Variants in ZNF398 observed in about 807,000 individuals in gnomAD.
ZNF398 encodes zinc finger protein 398.
Under a neutral mutation model 41.9 loss-of-function variants are expected in ZNF398, and 18 were observed. The observed-to-expected ratio is 0.43, with a 90% confidence interval of 0.30 to 0.64. ZNF398 has a LOEUF of 0.64. Ranked by LOEUF, ZNF398 falls within the 30% of genes least tolerant of loss-of-function variation. The pLI is 0.14. For missense variants in ZNF398, 669 were observed against 822.8 expected (o/e 0.81, Z 2.29); for synonymous variants, 260 against 308.8 (o/e 0.84, Z 1.66).
At chr7:149,174,070 A>T (rs1795411840) in intron 4 of ZNF398, among the ~76,000 whole-genome samples, 1 of 151,898 alleles carries the variant, frequency 6.6e-6, no homozygotes, top group African/African-American at 2.4e-5. Flanking sequence ...CTAGGATTAC[A>T]GGCGTGACCC....
chr7:149,148,227 C>T (rs1470738816), intron 1 of ZNF398: 1 of 163,640 alleles, frequency 6.1e-6, no homozygotes, highest in Non-Finnish European at 1.3e-5. Context: ...GCCTGGGCTC[C>T]CGGCACCGGA....
chr7:149,143,114 G>A (rs1400079596), upstream of ZNF398, among the ~76,000 whole-genome samples: 2 of 149,466 alleles, frequency 1.3e-5, no homozygotes, highest in African/African-American at 2.5e-5. Flanking sequence ...CTGGCCAGGC[G>A]CGGTGGCCAG....
At chr7:149,148,433 G>A (rs933650655) in intron 1 of ZNF398, 3 of 985,426 alleles carry the variant, frequency 3.0e-6, no homozygotes, top group Non-Finnish European at 3.6e-6. Flanking sequence ...AATGAGAAGG[G>A]GACGGTCAGG....
chr7:149,166,404 T>G, intron 3 of ZNF398, 120 bp downstream of exon 3: 1 of 1,290,344 alleles, frequency 7.7e-7, no homozygotes. Context: ...AAATTCTGGT[T>G]TCAAGCCAAA....
At chr7:149,178,101 C>G (rs1004929237) in intron 5 of ZNF398, among the ~76,000 whole-genome samples, 3 of 152,112 alleles carry the variant, frequency 2.0e-5, no homozygotes, top group Non-Finnish European at 4.4e-5. Context: ...ACCATCCTGG[C>G]TAACACAGTG....
chr7:149,157,141 G>A (rs1048576960), intron 2 of ZNF398, among the ~76,000 whole-genome samples: 5 of 152,032 alleles, frequency 3.3e-5, no homozygotes, highest in Non-Finnish European at 5.9e-5. Flanking sequence ...GGGAAAGTGT[G>A]GCCTTGGGGG....
intron 5 of ZNF398, among the ~76,000 whole-genome samples, chr7:149,177,753 T>C: frequency 6.6e-6 from 1 of 152,198 alleles, no homozygotes; most frequent in East Asian, 1.9e-4. Context: ...ATAGAGAAAG[T>C]TCTTGAGTAG....
upstream of ZNF398, among the ~76,000 whole-genome samples, chr7:149,142,640 C>T (rs544205608): frequency 6.6e-6 from 1 of 152,176 alleles, no homozygotes; most frequent in African/African-American, 2.4e-5. Flanking sequence ...GCACTCCAGC[C>T]TGGGCAACAG....
intron 3 of ZNF398, among the ~76,000 whole-genome samples, 199 bp from the exon 4 acceptor site, chr7:149,166,618 C>A (rs1002662581): frequency 2.0e-5 from 3 of 152,172 alleles, no homozygotes; most frequent in Non-Finnish European, 2.9e-5. Flanking sequence ...GTGCTTTCCC[C>A]ACACATTACA....
At position 149,179,686 on chromosome 7, in the gene ZNF398, C is replaced by G; in HGVS notation, c.1814C>G (p.Pro605Arg). The G allele has an allele frequency of 1.2e-6, 2 of 1,614,216 alleles. No individual in the cohort carries two copies. The highest frequency in any genetic ancestry group is 1.7e-6 in the Non-Finnish European group (2 of 1,180,036). The part of the protein sequence containing the change: ...GGDSDPSGQP[P>R]NPPGPLITGL... ...GATAGTGACCCATCAGGTCAGCCAC[C>G]CAACCCACCAGGTCCCCTCATAACT... Residue 605 changes from proline (P) to arginine (R), a missense_variant, in exon 6 of 6, where the codon CCC (proline) becomes CGC (arginine). Pro to Arg is a moderately radical substitution (Grantham distance 103). Transcript: ENST00000475153. This position sits in a 1 kb window ranked among gnomAD's most constrained non-coding sequence, Gnocchi z 6.1.
At chr7:149,141,456 CTT>C (rs60019784) in intron 2 of ZNF398, among the ~76,000 whole-genome samples, 5 of 128,244 alleles carry the variant, frequency 3.9e-5, no homozygotes, top group African/African-American at 1.2e-4. Context: ...TCTTTTTTTT[CTT>C]TTTTTTTTTT....
At chr7:149,175,715 G>T (rs1438954712) in intron 4 of ZNF398, among the ~76,000 whole-genome samples, 2 of 151,846 alleles carry the variant, frequency 1.3e-5, no homozygotes, top group Non-Finnish European at 2.9e-5. Context: ...GAGTTTTTTT[G>T]CTCTTGTTGC....
intron 4 of ZNF398, among the ~76,000 whole-genome samples, chr7:149,167,589 C>T (rs1006986737): frequency 6.6e-6 from 1 of 151,894 alleles, no homozygotes; most frequent in African/African-American, 2.4e-5. Context: ...ACTTCTCTTA[C>T]AACCCACCCG....
At chr7:149,152,549 G>A (rs1039121550) in intron 1 of ZNF398, among the ~76,000 whole-genome samples, 15 of 149,912 alleles carry the variant, frequency 1.0e-4, no homozygotes, top group African/African-American at 3.2e-4. Flanking sequence ...GTGAGCCACC[G>A]CGCCTGGCCT....
intron 2 of ZNF398, among the ~76,000 whole-genome samples, chr7:149,136,364 C>A (rs1172581579): frequency 1.3e-5 from 2 of 151,910 alleles, no homozygotes; most frequent in Admixed American, 1.3e-4. Flanking sequence ...AGCTGCCAGG[C>A]AGAGGTGCGC....
chr7:149,154,824 A>C (rs1489041877), intron 2 of ZNF398, among the ~76,000 whole-genome samples: 1 of 151,910 alleles, frequency 6.6e-6, no homozygotes, highest in African/African-American at 2.4e-5. Context: ...CCCTGTCTCT[A>C]CTAAAAATAC....
upstream of ZNF398, among the ~76,000 whole-genome samples, chr7:149,145,776 G>C (rs1585510262): frequency 6.6e-6 from 1 of 151,988 alleles, no homozygotes; most frequent in Admixed American, 6.6e-5. Context: ...GCTTCTTCCT[G>C]TCTCCTCCTT....
In ZNF398 at chr7:149,179,037, T is replaced by A. The variant is rs61732817; in HGVS notation, c.1165T>A (p.Ser389Thr). ...TCCACAGGCGGACCTCAGCAGCACCTCCCAGGACCATGCCAGCGAGACACC... is the reference window on the plus strand; with the variant it reads ...TCCACAGGCGGACCTCAGCAGCACCACCCAGGACCATGCCAGCGAGACACC... ...FTPQADLSST[S>T]QDHASETPPT... Residue 389 changes from serine (S) to threonine (T), a missense_variant, in exon 6 of 6, where the codon TCC (serine) becomes ACC (threonine). By Grantham distance (58) the Ser-to-Thr change is moderately conservative. Around this residue, in one of 3 missense-constraint regions of ZNF398, gnomAD observed 290 missense variants for 292.9 expected, o/e 0.99. Coordinates refer to ENST00000475153, the MANE Select transcript of ZNF398 (RefSeq NM_170686.3). The surrounding 1 kb of genome is among the most constrained non-coding windows in gnomAD (Gnocchi z 6.1). The A allele has an allele frequency of 7.2e-3, 11,633 of 1,613,468 alleles. 52 individuals are homozygous for A. Among genetic ancestry groups the A allele is most frequent in the African/African-American group, 0.017 (1,265 of 74,762 alleles).
chr7:149,165,621 T>C (rs1276720086), intron 2 of ZNF398, among the ~76,000 whole-genome samples: 1 of 152,204 alleles, frequency 6.6e-6, no homozygotes, highest in Admixed American at 6.6e-5. Context: ...TAATTTTGGT[T>C]CCTAACATGC....
Sources: gnomAD v4.1 joint callset for allele counts (sites outside exome capture counted in the v4.1 genomes callset) on GRCh38, gnomAD v4.1.1 for gene constraint, gnomAD v4.1.1 regional missense constraint, Gnocchi (gnomAD v3.1) non-coding constraint, MANE v1.5 for transcripts, NCBI Gene and HGNC (gene_info 2026-07-23, HGNC 2026-07-21) for gene names.